CSMD2: variants seen among roughly 807,000 people sequenced by gnomAD.
CSMD2 encodes the protein CUB and sushi domain-containing protein 2.
CSMD2 carries 130 observed loss-of-function variants against 398.5 expected under a neutral mutation model. The observed-to-expected ratio is 0.33, with a 90% CI of 0.28 to 0.38. The LOEUF is 0.38. Ranked by LOEUF, CSMD2 falls within the 10% of genes least tolerant of loss-of-function variation. The probability of loss-of-function intolerance (pLI) is 1.00; values close to 1 mark genes in which losing one functional copy is unlikely to be tolerated. For synonymous variants in CSMD2, 1,828 were observed against 1,908.5 expected (o/e 0.96, Z 1.10); for missense variants, 3,829 against 4,764.9 (o/e 0.80, Z 5.78).
At chr1:33,714,471 G>T in intron 21 of CSMD2, 116 bp downstream of exon 21, 3 of 1,229,704 alleles carry the variant, frequency 2.4e-6, no homozygotes, top group Non-Finnish European at 3.5e-6. Flanking sequence ...GGTAAGTGTG[G>T]TAAGTGTGGG....
At chr1:33,598,663 GT>G (rs1332065771) in intron 44 of CSMD2, 6 of 119,454 alleles carry the variant, frequency 5.0e-5, no homozygotes, top group African/African-American at 1.0e-4. Context: ...TGAGTTTCCT[GT>G]GTTTTTTTTT....
intron 12 of CSMD2, among the ~76,000 whole-genome samples, chr1:33,783,431 TTCTCTCTCTCTC>T (rs55769634): frequency 0.15 from 20,103 of 135,158 alleles, 1,656 homozygotes; most frequent in South Asian, 0.25. Flanking sequence ...CATTCTCTCA[TTCTCTCTCTCTC>T]TCTCTCTCTC....
At chr1:33,536,750 C>A (rs879892046) in intron 62 of CSMD2, among the ~76,000 whole-genome samples, 3 of 152,218 alleles carry the variant, frequency 2.0e-5, no homozygotes, top group Non-Finnish European at 4.4e-5. Context: ...TTTCCACAAC[C>A]ACCCTGCCTG....
rs534577378 is a variant in CSMD2, at chr1:33,635,035, G to A, written c.5086+179C>T. On this transcript the variant is annotated intron_variant, in intron 31 of 70. Coordinates refer to ENST00000373381, the MANE Select transcript of CSMD2 (RefSeq NM_001281956.2). This position sits in a 1 kb window ranked among gnomAD's most constrained non-coding sequence, Gnocchi z 5.0. Reference sequence around the variant, plus strand: ...TGTGCCCTTCTGCCCTCTTGTGTCCGGAATGTATTCTGCAGCCCGTTTGAG... The same window carrying A: ...TGTGCCCTTCTGCCCTCTTGTGTCCAGAATGTATTCTGCAGCCCGTTTGAG... 6.6e-5 allele frequency among the ~76,000 whole-genome samples: 10 copies of A among 152,206 alleles called. No homozygotes were observed. Among genetic ancestry groups the A allele is most frequent in the South Asian group, 2.1e-4 (1 of 4,822 alleles).
chr1:34,001,846 T>C (rs976675244), intron 3 of CSMD2, among the ~76,000 whole-genome samples: 1 of 152,178 alleles, frequency 6.6e-6, no homozygotes, highest in Non-Finnish European at 1.5e-5. Flanking sequence ...AGAACAAATA[T>C]ACATGCGCTA....
intron 67 of CSMD2, 76 bp from the exon 68 acceptor site, chr1:33,521,626 C>G: frequency 1.0e-6 from 1 of 953,230 alleles, no homozygotes; most frequent in African/African-American, 1.6e-5. Flanking sequence ...ATCATACACG[C>G]TGCCCAGCAG....
In CSMD2 at chr1:33,541,188, T is replaced by C. The variant is rs372575828; in HGVS notation, c.9399A>G (p.Val3133=). The C allele has an allele frequency of 5.0e-6, 8 of 1,614,058 alleles. No individual in the cohort carries two copies. The African/African-American group carries it at 9.3e-5, about 19-fold the overall frequency. The part of the protein sequence containing the change: ...VPGYMMESHR[V]SVLSCTKDRT... Reference sequence around the variant, plus strand: ...GGTCCTTGGTGCAGCTCAGCACAGATACTCTATGTGACTCCATCATATAGC... The same window carrying C: ...GGTCCTTGGTGCAGCTCAGCACAGACACTCTATGTGACTCCATCATATAGC... The change falls in exon 59 of 71, where the codon GTA becomes GTG. Residue 3133 remains valine, a synonymous_variant. Transcript: ENST00000373381.
At chr1:33,934,345 G>A (rs556928408) in intron 4 of CSMD2, among the ~76,000 whole-genome samples, 1 of 152,134 alleles carries the variant, frequency 6.6e-6, no homozygotes, top group African/African-American at 2.4e-5. Flanking sequence ...AGAAATACAA[G>A]AGCCAAAACA....
intron 25 of CSMD2, among the ~76,000 whole-genome samples, chr1:33,671,734 A>G (rs10798977): frequency 0.59 from 89,993 of 151,756 alleles, 27,153 homozygotes; most frequent in East Asian, 0.78. Context: ...CTTCAGCAAC[A>G]GGAGATTTTC....
rs114984732 is a variant in CSMD2, at chr1:33,959,292, G to A, written c.518-23338C>T. On this transcript the variant is annotated intron_variant, in intron 3 of 70. Coordinates refer to ENST00000373381, the MANE Select transcript of CSMD2 (RefSeq NM_001281956.2). ...AGAAAACACAAAAGCCTGAAACTCC[G>A]CAAAGGCAGGGATCGTGTATGCCTC... is the stretch of plus-strand genomic sequence containing the variant. 4.1e-3 allele frequency among the ~76,000 whole-genome samples: 625 copies of A among 152,266 alleles called. 3 individuals carry two copies. The highest frequency in any genetic ancestry group is 0.013 in the African/African-American group (525 of 41,546).
intron 13 of CSMD2, among the ~76,000 whole-genome samples, chr1:33,752,645 C>A (rs1442548441): frequency 6.6e-6 from 1 of 152,142 alleles, no homozygotes; most frequent in African/African-American, 2.4e-5. Flanking sequence ...GATGTGGAAG[C>A]AGCTTTGGAA....
intron 3 of CSMD2, among the ~76,000 whole-genome samples, chr1:34,009,643 T>A (rs1647182025): frequency 6.6e-6 from 1 of 151,958 alleles, no homozygotes; most frequent in South Asian, 2.1e-4. Flanking sequence ...CCCTGAGTGA[T>A]CTCACACCCT....
chr1:33,781,911 T>C (rs1411756973), intron 12 of CSMD2, among the ~76,000 whole-genome samples: 2 of 150,288 alleles, frequency 1.3e-5, no homozygotes, highest in Non-Finnish European at 3.0e-5. Flanking sequence ...TGACCTGGGA[T>C]TGTGACAAGC....
At position 33,633,411 on chromosome 1, in the gene CSMD2, G is replaced by A. The variant is rs1642588132; in HGVS notation, c.5200+11C>T. The A allele has an allele frequency of 6.5e-7, 1 of 1,544,198 alleles. No homozygotes were observed. Among genetic ancestry groups the A allele is most frequent in the Non-Finnish European group, 8.8e-7 (1 of 1,141,152 alleles). ...CCACAACCATCCCCACACTGGCCGA[G>A]CCCCGGATACCTGTATGGGAGCCCG... On this transcript the variant is annotated intron_variant, in intron 32 of 70. Transcript: ENST00000373381. The surrounding 1 kb of genome is among the most constrained non-coding windows in gnomAD (Gnocchi z 5.0).
intron 4 of CSMD2, among the ~76,000 whole-genome samples, chr1:33,932,851 C>G (rs1156519265): frequency 6.6e-6 from 1 of 152,144 alleles, no homozygotes; most frequent in African/African-American, 2.4e-5. Context: ...GATGACAAAA[C>G]CAAGAGGAAA....
intron 6 of CSMD2, among the ~76,000 whole-genome samples, chr1:33,832,152 C>G (rs1327776476): frequency 7.9e-6 from 1 of 126,878 alleles, no homozygotes; most frequent in African/African-American, 3.2e-5. Flanking sequence ...CAGCTCTGCA[C>G]CAAGTGGACC....
chr1:34,110,028 G>A (rs1359400519), intron 1 of CSMD2, among the ~76,000 whole-genome samples: 10 of 99,214 alleles, frequency 1.0e-4, no homozygotes, highest in Non-Finnish European at 7.3e-5. Context: ...GTGACAGAAC[G>A]AGACTCTGTC....
chr1:33,994,804 G>A lies in CSMD2; in HGVS notation c.517+37790C>T, dbSNP rs1170331483. Among the ~76,000 whole-genome samples the A allele has an allele frequency of 2.0e-5, 3 of 152,278 alleles. No individual in the cohort carries two copies. In the East Asian group the frequency reaches 5.8e-4, roughly 30 times the overall value. On this transcript the variant is annotated intron_variant, in intron 3 of 70. Coordinates refer to ENST00000373381, the MANE Select transcript of CSMD2 (RefSeq NM_001281956.2). The stretch of plus-strand genomic sequence containing the variant: ...ATTTCCACCGGGCACGGTGGCTCAT[G>A]TCTGTAATCCCAGCACTTTGGGAGG...
intron 3 of CSMD2, among the ~76,000 whole-genome samples, chr1:34,016,642 T>C (rs1028459313): frequency 2.6e-5 from 4 of 152,184 alleles, no homozygotes; most frequent in African/African-American, 9.7e-5. Flanking sequence ...TAAAGATACA[T>C]GGACATGTAT....
Sources: gnomAD v4.1 joint callset for allele counts (sites outside exome capture counted in the v4.1 genomes callset) on GRCh38, gnomAD v4.1.1 for gene constraint, Gnocchi (gnomAD v3.1) non-coding constraint, MANE v1.5 for transcripts, NCBI Gene and HGNC (gene_info 2026-07-23, HGNC 2026-07-21) for gene names.